NWD1: variants seen among roughly 807,000 people sequenced by gnomAD.
The protein encoded by NWD1 is NACHT and WD repeat domain containing 1.
NWD1 carries 129 observed loss-of-function variants against 135.1 expected under a neutral mutation model. The ratio of observed to expected loss-of-function variants is 0.96; its 90% CI spans 0.83 to 1.11. The LOEUF (loss-of-function observed/expected upper bound fraction) is 1.11. NWD1 is among the 50% of genes least tolerant of loss of function. The pLI, the probability that NWD1 is intolerant of heterozygous loss-of-function variation, is 0.00. For synonymous variants in NWD1, 773 were observed against 786.0 expected (o/e 0.98, Z 0.28); for missense variants, 1,740 against 1,851.3 (o/e 0.94, Z 1.10).
At chr19:16,751,110 G>A (rs1417267115) in intron 6 of NWD1, among the ~76,000 whole-genome samples, 1 of 151,686 alleles carries the variant, frequency 6.6e-6, no homozygotes, top group African/African-American at 2.4e-5. Context: ...TGTAATCCCA[G>A]CTACTTGGGA....
At chr19:16,772,949 C>A (rs1054391513) in intron 10 of NWD1, among the ~76,000 whole-genome samples, 177 bp from the exon 11 acceptor site, 1 of 152,078 alleles carries the variant, frequency 6.6e-6, no homozygotes, top group Non-Finnish European at 1.5e-5. Context: ...GCCTCTGAAG[C>A]AAGGGTAAGT....
Position 16,750,377 on chromosome 19 carries a change from G to T in NWD1, c.1735G>T (p.Val579Leu), listed in dbSNP as rs138297508. 2 of 1,600,406 alleles carry T rather than the reference G, an allele frequency of 1.2e-6. No individual in the cohort carries two copies. Among genetic ancestry groups the T allele is most frequent in the East Asian group, 2.2e-5 (1 of 44,744 alleles). ...RLEQTHGQLL[V>L]AHVLGYIVSS... ...GGAGCAGACACACGGGCAGCTCCTC[G>T]TGGCCCACGTGCTGGGCTACATTGT... Residue 579 changes from valine (V) to leucine (L), a missense_variant, in exon 6 of 19, where the codon GTG becomes TTG. Physicochemically the swap from Val to Leu is conservative, Grantham distance 32. Coordinates refer to ENST00000524140, the MANE Select transcript of NWD1 (RefSeq NM_001007525.5).
intron 11 of NWD1, among the ~76,000 whole-genome samples, chr19:16,774,855 G>A (rs561309528): frequency 2.2e-4 from 33 of 148,558 alleles, no homozygotes; most frequent in South Asian, 4.3e-4. Context: ...ATTCACTTAC[G>A]CCTCCACCCA....
chr19:16,738,892 A>AATATATAATACAT (rs1967967636), intron 4 of NWD1, among the ~76,000 whole-genome samples: 2 of 143,624 alleles, frequency 1.4e-5, no homozygotes, highest in African/African-American at 5.1e-5. Flanking sequence ...TATTATATAT[A>AATATATAATACAT]TATATATTTC....
intron 11 of NWD1, 77 bp from the exon 12 acceptor site, chr19:16,779,266 G>A: frequency 2.0e-6 from 3 of 1,531,700 alleles, no homozygotes; most frequent in Non-Finnish European, 2.7e-6. Context: ...GAAGTGGGGG[G>A]CTCATTAGAG....
chr19:16,788,074 C>T (rs1970110852), intron 12 of NWD1, among the ~76,000 whole-genome samples: 1 of 145,488 alleles, frequency 6.9e-6, no homozygotes, highest in Non-Finnish European at 1.5e-5. Flanking sequence ...ACTAAAAATA[C>T]AAAAAATTTG....
At chr19:16,774,140 C>G (rs1482358574) in intron 11 of NWD1, among the ~76,000 whole-genome samples, 1 of 146,560 alleles carries the variant, frequency 6.8e-6, no homozygotes, top group Non-Finnish European at 1.5e-5. Context: ...CATCCATCTA[C>G]TGCCCCATCC....
chr19:16,747,615 G>A (rs149243331), intron 5 of NWD1, among the ~76,000 whole-genome samples: 22 of 151,752 alleles, frequency 1.4e-4, no homozygotes, highest in Non-Finnish European at 2.8e-4. Context: ...TCAAGTGATC[G>A]TCCAGCCTCT....
In NWD1 at chr19:16,738,541, A is replaced by G. The variant is rs553434270; in HGVS notation, c.198+1791A>G. Reference sequence around the variant, plus strand: ...CCGAGATTGTGCCACTGCATTCCAGACTGCGCAACAGACGGAGACTCTGTC... The same window carrying G: ...CCGAGATTGTGCCACTGCATTCCAGGCTGCGCAACAGACGGAGACTCTGTC... On this transcript the variant is annotated intron_variant, in intron 4 of 18. Coordinates refer to ENST00000524140, the MANE Select transcript of NWD1 (RefSeq NM_001007525.5). Among the ~76,000 whole-genome samples, 57 of 145,120 alleles carry G rather than the reference A, an allele frequency of 3.9e-4. 1 individual carries two copies. Among genetic ancestry groups the G allele is most frequent in the Non-Finnish European group, 7.8e-4 (52 of 67,066 alleles).
chr19:16,731,610 C>CTTTTT (rs35083498), intron 3 of NWD1, among the ~76,000 whole-genome samples: 9 of 139,514 alleles, frequency 6.5e-5, no homozygotes, highest in Admixed American at 7.3e-5. Flanking sequence ...CAGCCCCATG[C>CTTTTT]TTTTTTTTTT....
At chr19:16,763,774 G>A in intron 8 of NWD1, 54 bp from the exon 9 acceptor site, 3 of 1,091,572 alleles carry the variant, frequency 2.7e-6, no homozygotes, top group Non-Finnish European at 4.3e-6. Flanking sequence ...GCTTGTGCGT[G>A]GAGTGAATGA....
chr19:16,723,455 G>A (rs938956359), intron 1 of NWD1, among the ~76,000 whole-genome samples: 9 of 151,616 alleles, frequency 5.9e-5, no homozygotes, highest in South Asian at 2.1e-4. Context: ...GATTACAGGC[G>A]TGAGCCACCA....
rs1201857402 is a variant in NWD1 at position 16,808,100 on chromosome 19, G to A, written c.4251G>A (p.Leu1417=). The change falls in exon 18 of 19, where the codon CTG becomes CTA. Residue 1417 remains leucine (L), a synonymous_variant. Transcript: ENST00000524140. ...ATGCCCTGCTGTGTCTCTGGGACCT[G>A]CAGGCACGCAAGTGGAAATTCGAGA... ...SEDALLCLWD[L]QARKWKFEMS... The A allele has an allele frequency of 6.2e-7, 1 of 1,614,040 alleles. No homozygotes were observed. The highest frequency in any genetic ancestry group is 2.2e-5 in the East Asian group (1 of 44,886).
chr19:16,743,026 C>A (rs910518504), intron 4 of NWD1, among the ~76,000 whole-genome samples: 6 of 151,668 alleles, frequency 4.0e-5, no homozygotes, highest in Non-Finnish European at 8.8e-5. Flanking sequence ...AAGTCTCCTG[C>A]CTCAGCCTCC....
intron 2 of NWD1, among the ~76,000 whole-genome samples, chr19:16,725,229 C>T (rs528417379): frequency 6.6e-6 from 1 of 152,050 alleles, no homozygotes; most frequent in Non-Finnish European, 1.5e-5. Flanking sequence ...ATCCTAGACT[C>T]CTAGGCTCAA....
At chr19:16,792,876 CAAA>C (rs1189102088) in intron 14 of NWD1, among the ~76,000 whole-genome samples, 3 of 51,876 alleles carry the variant, frequency 5.8e-5, no homozygotes, top group East Asian at 6.0e-4. Flanking sequence ...AACTCCATCT[CAAA>C]AAAAAAAAAA....
At chr19:16,792,835 C>A (rs1046190859) in intron 14 of NWD1, among the ~76,000 whole-genome samples, 3 of 149,812 alleles carry the variant, frequency 2.0e-5, no homozygotes, top group Admixed American at 6.7e-5. Context: ...CGAGATCATG[C>A]CATTGCACTC....
chr19:16,726,511 T>C (rs1475323515), intron 2 of NWD1, among the ~76,000 whole-genome samples: 1 of 151,476 alleles, frequency 6.6e-6, no homozygotes, highest in Non-Finnish European at 1.5e-5. Context: ...GTGATCTTAG[T>C]TCACTGCAAC....
At chr19:16,793,505 C>T (rs1275524627) in intron 14 of NWD1, among the ~76,000 whole-genome samples, 2 of 151,610 alleles carry the variant, frequency 1.3e-5, no homozygotes, top group Admixed American at 6.6e-5. Context: ...GGATTACAGG[C>T]GTGACCCACT....
Sources: allele counts gnomAD v4.1 joint callset (sites outside exome capture counted in the v4.1 genomes callset), GRCh38; gene constraint gnomAD v4.1.1; transcripts MANE v1.5; gene names NCBI Gene and HGNC (gene_info 2026-07-23, HGNC 2026-07-21).